Variants in COG6 observed in about 807,000 individuals in gnomAD.
The protein encoded by COG6 is conserved oligomeric Golgi complex subunit 6.
Under a neutral mutation model 88.8 loss-of-function variants are expected in COG6, and 74 were observed. The observed-to-expected ratio is 0.83, with a 90% CI of 0.69 to 1.01. The LOEUF (loss-of-function observed/expected upper bound fraction) is 1.01, where lower values mean the gene tolerates loss of function less well. Ranked by LOEUF, COG6 falls within the 50% of genes least tolerant of loss-of-function variation. COG6 has a pLI of 0.00. For synonymous variants in COG6, 286 were observed against 278.7 expected (o/e 1.03, Z -0.26); for missense variants, 800 against 797.9 (o/e 1.00, Z -0.03).
At position 39,659,622 on chromosome 13, in the gene COG6, A is replaced by G. The variant is rs1000059859; in HGVS notation, c.297+115A>G. On this transcript the variant is annotated intron_variant, in intron 2 of 18. Transcript: ENST00000455146. ...GTTTGCTATTTGTATACTATGCCCAAATAGAAAGCTTAGCTAATTTCTCTT... is the reference window on the plus strand; with the variant it reads ...GTTTGCTATTTGTATACTATGCCCAGATAGAAAGCTTAGCTAATTTCTCTT... 9.9e-6 allele frequency: 8 copies of G among 808,192 alleles called. No homozygotes were observed. The Admixed American group carries it at 1.6e-4, about 16-fold the overall frequency. The allele number at this position is 808,192 out of a possible 1,614,324, so 50.1% of individuals were successfully genotyped here. A position where few individuals can be genotyped will look rare whatever the true frequency, so the allele number is the denominator to read the frequency against.
intron 17 of COG6, among the ~76,000 whole-genome samples, chr13:39,726,001 G>A (rs141270184): frequency 4.2e-4 from 64 of 151,936 alleles, no homozygotes; most frequent in South Asian, 1.0e-3. Context: ...TATTTGAAAT[G>A]CCATTAAAAA....
chr13:39,676,879 G>C (rs1335961200), intron 4 of COG6, among the ~76,000 whole-genome samples: 3 of 152,038 alleles, frequency 2.0e-5, no homozygotes, highest in Non-Finnish European at 2.9e-5. Context: ...AGCTAGTTTA[G>C]ATAGGTTGCA....
rs557860313 is a variant in COG6, at chr13:39,692,831, C to T, written c.1075-1803C>T. ...TAATGCAGTTAGGATTTATTGAGTG[C>T]TTATGATGTGCCAGGGTCTGTTCCA... On this transcript the variant is annotated intron_variant, in intron 11 of 18. Coordinates refer to ENST00000455146, the MANE Select transcript of COG6 (RefSeq NM_020751.3). 3.4e-4 allele frequency among the ~76,000 whole-genome samples: 51 copies of T among 152,122 alleles called. 1 individual carries two copies. The highest frequency in any genetic ancestry group is 1.2e-4 in the Non-Finnish European group (8 of 67,968).
At chr13:39,709,589 C>A (rs1878126560) in intron 13 of COG6, among the ~76,000 whole-genome samples, 11 of 152,078 alleles carry the variant, frequency 7.2e-5, no homozygotes, top group Admixed American at 7.2e-4. Flanking sequence ...AAGTTCCACT[C>A]ATGTTGTTGC....
At chr13:39,702,362 A>G (rs1023200757) in intron 13 of COG6, among the ~76,000 whole-genome samples, 117 of 152,110 alleles carry the variant, frequency 7.7e-4, no homozygotes, top group African/African-American at 2.6e-3. Context: ...AGTGGAAACC[A>G]TAGATTAGTC....
At chr13:39,659,554 C>G (rs7330016) in intron 2 of COG6, 47 bp downstream of exon 2, 4 of 1,528,874 alleles carry the variant, frequency 2.6e-6, no homozygotes, top group East Asian at 2.3e-5. Flanking sequence ...CTTACTATTA[C>G]GCCTGGCTCT....
intron 8 of COG6, among the ~76,000 whole-genome samples, chr13:39,684,716 A>G (rs1187482461): frequency 6.6e-6 from 1 of 152,224 alleles, no homozygotes; most frequent in Non-Finnish European, 1.5e-5. Flanking sequence ...TTAATAATGT[A>G]TCATGTTAAC....
chr13:39,727,400 T>C, intron 17 of COG6, 69 bp from the exon 18 acceptor site: 1 of 1,073,622 alleles, frequency 9.3e-7, no homozygotes, highest in Non-Finnish European at 1.5e-6. Flanking sequence ...TTAAAAGAGA[T>C]GTTTATATTT....
At chr13:39,731,906 A>T (rs1307301534) in intron 18 of COG6, among the ~76,000 whole-genome samples, 1 of 152,188 alleles carries the variant, frequency 6.6e-6, no homozygotes, top group Non-Finnish European at 1.5e-5. Flanking sequence ...AGAAAGTCCA[A>T]ACCTTAAAAG....
intron 7 of COG6, among the ~76,000 whole-genome samples, chr13:39,681,813 A>G (rs1164238686): frequency 1.3e-5 from 2 of 152,128 alleles, no homozygotes; most frequent in African/African-American, 4.8e-5. Flanking sequence ...AACTGATAAT[A>G]TCTTTTTAGT....
chr13:39,774,202 T>C (rs1881398158), intron 18 of COG6, among the ~76,000 whole-genome samples: 1 of 152,186 alleles, frequency 6.6e-6, no homozygotes, highest in East Asian at 1.9e-4. Flanking sequence ...CATTATTCTT[T>C]CCCAAACCAC....
Position 39,711,686 on chromosome 13 carries a change from A to G in COG6, c.1285-7550A>G, listed in dbSNP as rs144663467. Among the ~76,000 whole-genome samples the G allele has an allele frequency of 5.0e-3, 764 of 152,348 alleles. 7 individuals carry two copies. Among genetic ancestry groups the G allele is most frequent in the African/African-American group, 0.017 (710 of 41,586 alleles). ...GGATTAAATGAAGATCACATGTAAA[A>G]TACATGGTACAGTTTTTAGATTATT... On this transcript the variant is annotated intron_variant, in intron 13 of 18. Coordinates refer to ENST00000455146, the MANE Select transcript of COG6 (RefSeq NM_020751.3).
intron 18 of COG6, among the ~76,000 whole-genome samples, chr13:39,763,234 G>A (rs1253107766): frequency 3.3e-5 from 5 of 151,408 alleles, no homozygotes; most frequent in Admixed American, 3.3e-4. Flanking sequence ...CTTATTAATT[G>A]TAAGCGTTAT....
chr13:39,739,324 T>A (rs772556658), intron 18 of COG6, among the ~76,000 whole-genome samples: 2 of 150,882 alleles, frequency 1.3e-5, no homozygotes, highest in African/African-American at 4.9e-5. Context: ...AGTTTAGATT[T>A]CAAAAAAAAG....
rs932718695 is a variant in COG6, at chr13:39,695,234, A to G, written c.1166+509A>G. ...TAGCATTTAGTTTACTATAAGTGAT[A>G]AAATAGAGTCATAGCTTTATCTTCT... On this transcript the variant is annotated intron_variant, in intron 12 of 18. Transcript: ENST00000455146. Among the ~76,000 whole-genome samples, 4 of 151,826 alleles carry G rather than the reference A, an allele frequency of 2.6e-5. No homozygotes were observed. In the South Asian group the frequency reaches 8.3e-4, roughly 31 times the overall value.
chr13:39,777,870 A>C (rs1236584847), intron 18 of COG6, among the ~76,000 whole-genome samples: 1 of 152,192 alleles, frequency 6.6e-6, no homozygotes, highest in Non-Finnish European at 1.5e-5. Flanking sequence ...CAGCAGTCTA[A>C]CAGTTTCTGG....
At chr13:39,738,303 G>A (rs1036866982) in intron 18 of COG6, among the ~76,000 whole-genome samples, 1 of 152,148 alleles carries the variant, frequency 6.6e-6, no homozygotes, top group Non-Finnish European at 1.5e-5. Flanking sequence ...TGGGAGGGAA[G>A]TGGAAGTTTG....
intron 15 of COG6, among the ~76,000 whole-genome samples, chr13:39,720,960 A>C (rs9603600): frequency 7.0e-4 from 107 of 152,190 alleles, no homozygotes; most frequent in African/African-American, 2.5e-3. Context: ...GGTTAGATCA[A>C]TGTTTTGTTA....
At chr13:39,659,077 A>G (rs1874719032) in intron 1 of COG6, among the ~76,000 whole-genome samples, 1 of 152,048 alleles carries the variant, frequency 6.6e-6, no homozygotes, top group Non-Finnish European at 1.5e-5. Flanking sequence ...ATCATAATTT[A>G]TTTAACCAAT....
Sources: gnomAD v4.1 joint callset for allele counts (sites outside exome capture counted in the v4.1 genomes callset) on GRCh38, gnomAD v4.1.1 for gene constraint, MANE v1.5 for transcripts, NCBI Gene and HGNC (gene_info 2026-07-23, HGNC 2026-07-21) for gene names.